ST3GAL1: variants seen among roughly 807,000 people sequenced by gnomAD.
The protein encoded by ST3GAL1 is ST3 beta-galactoside alpha-2,3-sialyltransferase 1.
A neutral mutation model predicts 34.1 loss-of-function variants in ST3GAL1; 16 were observed. That is an observed-to-expected ratio of 0.47 (90% CI 0.32 to 0.71). The LOEUF (loss-of-function observed/expected upper bound fraction) is 0.71. Ranked by LOEUF, ST3GAL1 falls within the 30% of genes least tolerant of loss-of-function variation. The pLI, the probability that ST3GAL1 is intolerant of heterozygous loss-of-function variation, is 0.04. For missense variants in ST3GAL1, 353 were observed against 447.4 expected (o/e 0.79, Z 1.90); for synonymous variants, 191 against 184.7 (o/e 1.03, Z -0.28).
At chr8:133,506,935 A>G (rs1817360401) in intron 2 of ST3GAL1, among the ~76,000 whole-genome samples, 4 of 137,436 alleles carry the variant, frequency 2.9e-5, no homozygotes, top group Admixed American at 2.2e-4. Flanking sequence ...TAAAAAATAA[A>G]TATATAAATA....
intron 2 of ST3GAL1, chr8:133,544,197 T>C (rs892041261): frequency 2.6e-5 from 4 of 151,604 alleles, no homozygotes; most frequent in African/African-American, 9.8e-5. Flanking sequence ...CTCTGTTCCT[T>C]CTTGGGTCCC....
At chr8:133,474,892 T>A (rs1401405944) in intron 5 of ST3GAL1, among the ~76,000 whole-genome samples, 2 of 152,220 alleles carry the variant, frequency 1.3e-5, no homozygotes, top group Non-Finnish European at 2.9e-5. Flanking sequence ...TTATTTCTTA[T>A]CTTCCCCTCC....
At chr8:133,485,074 A>G (rs1816535609) in intron 3 of ST3GAL1, among the ~76,000 whole-genome samples, 1 of 152,202 alleles carries the variant, frequency 6.6e-6, no homozygotes, top group African/African-American at 2.4e-5. Context: ...GAGGGTTCTC[A>G]GGGCACCCTG....
chr8:133,463,577 C>A (rs2075823), intron 7 of ST3GAL1, 118 bp from the exon 8 acceptor site: 4 of 1,115,072 alleles, frequency 3.6e-6, no homozygotes, highest in Non-Finnish European at 5.3e-6. Flanking sequence ...TCCTGCCCCC[C>A]ATAGCTTCCC....
In ST3GAL1 at chr8:133,556,297, C is replaced by A. The variant is rs1014786192; in HGVS notation, c.-581-10371G>T. Among the ~76,000 whole-genome samples, 3 of 152,198 alleles carry A rather than the reference C, an allele frequency of 2.0e-5. No individual in the cohort carries two copies. The highest frequency in any genetic ancestry group is 4.8e-5 in the African/African-American group (2 of 41,456). ...TAAGCTCGGACGTGGAAGTCACTTG[C>A]CCCAGATCTCACCACTGATCAACAG... On this transcript the variant is annotated intron_variant, in intron 1 of 9. Transcript: ENST00000522652. The surrounding 1 kb of genome is among the most constrained non-coding windows in gnomAD (Gnocchi z 8.9).
rs1338834021 is a variant in ST3GAL1, at chr8:133,464,837, G to C, written c.624C>G (p.Pro208=). The C allele has an allele frequency of 1.2e-6, 2 of 1,614,026 alleles. No homozygotes were observed. The highest frequency in any genetic ancestry group is 2.2e-5 in the South Asian group (2 of 91,080). ...CCCACTCCAAGTCGATGGTCTTGAAGGGCACCAGGATCATGCTGACATTAT... is the reference window on the plus strand; with the variant it reads ...CCCACTCCAAGTCGATGGTCTTGAACGGCACCAGGATCATGCTGACATTAT... ...LGDNVSMILV[P]FKTIDLEWVV... Residue 208 remains proline (P), a synonymous_variant, in exon 7 of 10, where the codon CCC becomes CCG. Transcript: ENST00000522652.
intron 2 of ST3GAL1, among the ~76,000 whole-genome samples, chr8:133,542,093 CCA>C (rs756563042): frequency 6.5e-5 from 9 of 138,532 alleles, no homozygotes; most frequent in Non-Finnish European, 1.1e-4. Context: ...GTGTGATACA[CCA>C]CACACACACA....
In ST3GAL1 at chr8:133,465,994, T is replaced by G. The variant is rs1269225050; in HGVS notation, c.403A>C (p.Arg135=). The G allele has an allele frequency of 6.2e-7, 1 of 1,614,206 alleles. No homozygotes were observed. The highest frequency in any genetic ancestry group is 8.5e-7 in the Non-Finnish European group (1 of 1,180,028). The change falls in exon 6 of 10, where the codon AGG becomes CGG. Residue 135 remains arginine (R), a synonymous_variant. Coordinates refer to ENST00000522652, the MANE Select transcript of ST3GAL1 (RefSeq NM_173344.3). The stretch of plus-strand genomic sequence containing the variant: ...GCGCAGCGCCGGCAGCCCACCGACC[T>G]CTTCTCCAGCATAGGGTCCACATTC... ...PGNVDPMLEK[R]SVGCRRCAVV...
chr8:133,560,367 A>T (rs749202408), intron 1 of ST3GAL1, among the ~76,000 whole-genome samples: 15 of 152,248 alleles, frequency 9.9e-5, no homozygotes, highest in Admixed American at 3.9e-4. Context: ...GTAATAAATT[A>T]TGATGAATTT....
intron 2 of ST3GAL1, chr8:133,515,399 T>G (rs1302299554): frequency 6.6e-6 from 1 of 152,242 alleles, no homozygotes; most frequent in Non-Finnish European, 1.5e-5. Context: ...GGGAGGCATC[T>G]GGGTCATGGG....
Position 133,459,769 on chromosome 8 carries a change from T to G in ST3GAL1, c.1018A>C (p.Arg340=). The change falls in exon 10 of 10, where the codon AGA becomes CGA. Residue 340 remains arginine, a synonymous_variant. Transcript: ENST00000522652. This position sits in a 1 kb window ranked among gnomAD's most constrained non-coding sequence, Gnocchi z 4.7. ...ATCCTCAGCCCTTCACTGCGTCATC[T>G]CCCCTTGAAGATCCGGATTTTATTG... ...SINKIRIFKG[R] is the part of the protein sequence containing the mutation. The G allele has an allele frequency of 6.2e-7, 1 of 1,610,304 alleles. No individual in the cohort carries two copies. The highest frequency in any genetic ancestry group is 8.5e-7 in the Non-Finnish European group (1 of 1,177,666).
chr8:133,531,160 T>C (rs565986302), intron 2 of ST3GAL1, among the ~76,000 whole-genome samples: 8 of 151,720 alleles, frequency 5.3e-5, no homozygotes, highest in Admixed American at 5.2e-4. Flanking sequence ...TAATGTGAAA[T>C]GGGTGACTTT....
chr8:133,550,138 C>T (rs1818798568), intron 1 of ST3GAL1, among the ~76,000 whole-genome samples: 1 of 152,174 alleles, frequency 6.6e-6, no homozygotes, highest in Non-Finnish European at 1.5e-5. Context: ...GCCTGATGAG[C>T]TCCTTAGACT....
intron 1 of ST3GAL1, among the ~76,000 whole-genome samples, chr8:133,552,943 A>T (rs192088991): frequency 2.0e-5 from 3 of 152,330 alleles, no homozygotes; most frequent in African/African-American, 7.2e-5. Context: ...CATTTCACAG[A>T]TGTGGAAATT....
rs1819548901 is a variant in ST3GAL1 at position 133,570,880 on chromosome 8, T to C, written c.-582+813A>G. On this transcript the variant is annotated intron_variant, in intron 1 of 9. Transcript: ENST00000522652. The surrounding 1 kb of genome is among the most constrained non-coding windows in gnomAD (Gnocchi z 5.6). ...CACACGAGAGACACAGGCAAGTTGCTAACTTTTGTCAGATTATTTCTTGGG... is the reference window on the plus strand; with the variant it reads ...CACACGAGAGACACAGGCAAGTTGCCAACTTTTGTCAGATTATTTCTTGGG... Among the ~76,000 whole-genome samples the C allele has an allele frequency of 6.6e-6, 1 of 152,208 alleles. No individual in the cohort carries two copies. The highest frequency in any genetic ancestry group is 6.5e-5 in the Admixed American group (1 of 15,284).
chr8:133,472,380 C>T (rs1205202155), intron 5 of ST3GAL1, among the ~76,000 whole-genome samples: 1 of 152,096 alleles, frequency 6.6e-6, no homozygotes, highest in Non-Finnish European at 1.5e-5. Context: ...GGGGAAATCG[C>T]CCCCATGATT....
At position 133,527,589 on chromosome 8, in the gene ST3GAL1, TA is replaced by T. The variant is rs200522577; in HGVS notation, c.-429+18184del. 9.1e-3 allele frequency among the ~76,000 whole-genome samples: 1,389 copies of T among 152,302 alleles called. 10 individuals carry two copies. The highest frequency in any genetic ancestry group is 0.015 in the Non-Finnish European group (1,028 of 68,032). On this transcript the variant is annotated intron_variant, in intron 2 of 9. Coordinates refer to ENST00000522652, the MANE Select transcript of ST3GAL1 (RefSeq NM_173344.3). ...ACCCTGTGTAAAATGAGGATAATGA[TA>T]ATATTCACAACCTAGGTTGTCATGA...
At chr8:133,538,617 AC>A (rs1456068760) in intron 2 of ST3GAL1, among the ~76,000 whole-genome samples, 9 of 152,242 alleles carry the variant, frequency 5.9e-5, no homozygotes, top group African/African-American at 2.2e-4. Flanking sequence ...GAATCCAAGC[AC>A]TGTTAGCACT....
intron 3 of ST3GAL1, among the ~76,000 whole-genome samples, chr8:133,485,813 T>C (rs547878547): frequency 4.0e-5 from 6 of 150,446 alleles, no homozygotes; most frequent in African/African-American, 1.5e-4. Context: ...AGGTCGGGAG[T>C]TGGTTTAGCT....
Sources: allele counts gnomAD v4.1 joint callset (sites outside exome capture counted in the v4.1 genomes callset), GRCh38; gene constraint gnomAD v4.1.1; non-coding constraint Gnocchi (gnomAD v3.1); transcripts MANE v1.5; gene names NCBI Gene and HGNC (gene_info 2026-07-23, HGNC 2026-07-21).